HPSE2: variants seen among roughly 807,000 people sequenced by gnomAD.
HPSE2 encodes heparanase 2 (inactive).
A neutral mutation model predicts 60.5 loss-of-function variants in HPSE2; 38 were observed. That is an observed-to-expected ratio of 0.63 (90% CI 0.48 to 0.82). HPSE2 has a LOEUF of 0.82. Among genes scored for constraint, HPSE2 ranks in the 40% least tolerant of loss-of-function variants. The probability of loss-of-function intolerance (pLI) is 0.00; values close to 1 mark genes in which losing one functional copy is unlikely to be tolerated. For missense variants in HPSE2, 713 were observed against 740.4 expected (o/e 0.96, Z 0.43); for synonymous variants, 295 against 293.2 (o/e 1.01, Z -0.06).
chr10:98,612,999 A>G (rs1252111679), intron 9 of HPSE2, among the ~76,000 whole-genome samples: 1 of 151,666 alleles, frequency 6.6e-6, no homozygotes, highest in African/African-American at 2.4e-5. Flanking sequence ...CCTGCCTCGG[A>G]GCTTTTGTGT....
chr10:98,973,738 A>C (rs1956016622), intron 3 of HPSE2, among the ~76,000 whole-genome samples: 1 of 152,194 alleles, frequency 6.6e-6, no homozygotes, highest in Non-Finnish European at 1.5e-5. Flanking sequence ...AAGGAAAAAA[A>C]TAAGGGACCT....
At chr10:99,216,475 A>C (rs999696868) in intron 2 of HPSE2, among the ~76,000 whole-genome samples, 3 of 72,920 alleles carry the variant, frequency 4.1e-5, no homozygotes, top group Admixed American at 3.8e-4. Flanking sequence ...GATTACAGGC[A>C]TGAGCCACTG....
chr10:98,909,435 T>C (rs1206495898), intron 3 of HPSE2, among the ~76,000 whole-genome samples: 1 of 150,626 alleles, frequency 6.6e-6, no homozygotes, highest in African/African-American at 2.4e-5. Context: ...TCAAGACTAG[T>C]CTGGCCAACA....
intron 3 of HPSE2, among the ~76,000 whole-genome samples, chr10:99,120,859 A>G (rs1363688093): frequency 2.6e-5 from 4 of 152,230 alleles, no homozygotes; most frequent in African/African-American, 9.6e-5. Context: ...ACCATGGGTG[A>G]GAGTGTAAAT....
chr10:98,573,596 GA>G (rs1944562267), intron 9 of HPSE2, among the ~76,000 whole-genome samples: 1 of 152,140 alleles, frequency 6.6e-6, no homozygotes, highest in Non-Finnish European at 1.5e-5. Context: ...TCTTAGGATG[GA>G]AAATGGAAAC....
At chr10:99,209,306 T>C (rs1848872836) in intron 2 of HPSE2, among the ~76,000 whole-genome samples, 1 of 152,102 alleles carries the variant, frequency 6.6e-6, no homozygotes, top group Admixed American at 6.6e-5. Flanking sequence ...CCAACCACAA[T>C]AGTATAAAAC....
chr10:98,669,148 A>G (rs950305371), intron 6 of HPSE2, among the ~76,000 whole-genome samples: 1 of 152,188 alleles, frequency 6.6e-6, no homozygotes, highest in African/African-American at 2.4e-5. Context: ...TCAAATCACT[A>G]ATCATTAGAG....
At chr10:99,169,200 A>G (rs1052400858) in intron 2 of HPSE2, among the ~76,000 whole-genome samples, 1 of 146,688 alleles carries the variant, frequency 6.8e-6, no homozygotes, top group Non-Finnish European at 1.5e-5. Flanking sequence ...CTCAAAAAAA[A>G]AAAAAAAAAA....
chr10:99,203,408 T>A lies in HPSE2; in HGVS notation c.448+28940A>T, dbSNP rs575729448. On this transcript the variant is annotated intron_variant, in intron 2 of 11. Transcript: ENST00000370552. Reference sequence around the variant, plus strand: ...CAGTCCCTGTGGTCTCAGATTCCAATCCTACTCCAGGTTTCAGACCATCCA... The same window carrying A: ...CAGTCCCTGTGGTCTCAGATTCCAAACCTACTCCAGGTTTCAGACCATCCA... Among the ~76,000 whole-genome samples, 6 of 151,916 alleles carry A rather than the reference T, an allele frequency of 3.9e-5. No individual in the cohort carries two copies. In the South Asian group the frequency reaches 1.2e-3, roughly 32 times the overall value.
At chr10:98,708,918 C>G (rs948446648) in intron 5 of HPSE2, among the ~76,000 whole-genome samples, 2 of 152,120 alleles carry the variant, frequency 1.3e-5, no homozygotes, top group Non-Finnish European at 1.5e-5. Flanking sequence ...AGATACAATT[C>G]CAAAGAACAG....
At chr10:99,014,288 A>G (rs933266577) in intron 3 of HPSE2, among the ~76,000 whole-genome samples, 3 of 152,220 alleles carry the variant, frequency 2.0e-5, no homozygotes, top group Non-Finnish European at 4.4e-5. Flanking sequence ...AAAGGACATG[A>G]TCTCATTCTT....
chr10:98,680,546 T>C (rs888372592), intron 6 of HPSE2, among the ~76,000 whole-genome samples: 2 of 152,174 alleles, frequency 1.3e-5, no homozygotes, highest in African/African-American at 2.4e-5. Context: ...CTGGTGGTCA[T>C]TGTCACATAC....
At chr10:98,538,389 C>T in intron 9 of HPSE2, among the ~76,000 whole-genome samples, 1 of 152,174 alleles carries the variant, frequency 6.6e-6, no homozygotes, top group East Asian at 1.9e-4. Context: ...TCGAACCTTC[C>T]TGAAACTAGG....
At chr10:98,655,343 A>T (rs536828473) in intron 6 of HPSE2, among the ~76,000 whole-genome samples, 1 of 152,262 alleles carries the variant, frequency 6.6e-6, no homozygotes, top group African/African-American at 2.4e-5. Context: ...GGAGCCAAAG[A>T]CTGCAGCTCC....
rs561209609 is a variant in HPSE2, at chr10:98,766,745, C to T, written c.611-22689G>A. On this transcript the variant is annotated intron_variant, in intron 3 of 11. Transcript: ENST00000370552. ...TTGGAGACCAGCCTGGGCAACATGG[C>T]GAAACCCAATCTCTACTAAAAATAC... Among the ~76,000 whole-genome samples, 27 of 151,920 alleles carry T rather than the reference C, an allele frequency of 1.8e-4. No individual in the cohort carries two copies. In the East Asian group the frequency reaches 3.7e-3, roughly 21 times the overall value.
intron 11 of HPSE2, among the ~76,000 whole-genome samples, chr10:98,479,140 G>A (rs528570305): frequency 2.6e-5 from 4 of 152,216 alleles, no homozygotes; most frequent in African/African-American, 7.2e-5. Flanking sequence ...CCATGTCCTC[G>A]AGCAATCAAA....
chr10:98,557,639 G>C (rs1179892540), intron 9 of HPSE2, among the ~76,000 whole-genome samples: 1 of 152,170 alleles, frequency 6.6e-6, no homozygotes, highest in Non-Finnish European at 1.5e-5. Context: ...TTAAAGTTAA[G>C]AATGTGTGTT....
At chr10:99,150,160 A>G (rs1380522054) in intron 2 of HPSE2, among the ~76,000 whole-genome samples, 1 of 152,198 alleles carries the variant, frequency 6.6e-6, no homozygotes, top group African/African-American at 2.4e-5. Flanking sequence ...ACTAGAATCA[A>G]TTTATTGTCT....
chr10:98,488,228 T>C (rs1941511175), intron 10 of HPSE2, among the ~76,000 whole-genome samples: 1 of 152,168 alleles, frequency 6.6e-6, no homozygotes, highest in Admixed American at 6.5e-5. Flanking sequence ...TATGGAATGG[T>C]AGAATTCCTA....
Sources: allele counts gnomAD v4.1 joint callset (sites outside exome capture counted in the v4.1 genomes callset), GRCh38; gene constraint gnomAD v4.1.1; transcripts MANE v1.5; gene names NCBI Gene and HGNC (gene_info 2026-07-23, HGNC 2026-07-21).